Variants in PNPLA2 observed in about 807,000 individuals in gnomAD.
PNPLA2 encodes the protein patatin-like phospholipase domain-containing protein 2.
In PNPLA2, 28 loss-of-function variants were observed where a neutral mutation model predicts 39.7. That is an observed-to-expected ratio of 0.70 (90% CI 0.52 to 0.97). PNPLA2 has a LOEUF of 0.97. Ranked by LOEUF, PNPLA2 falls within the 50% of genes least tolerant of loss-of-function variation. PNPLA2 has a pLI of 0.00. For missense variants in PNPLA2, 768 were observed against 698.2 expected (o/e 1.10, Z -1.13); for synonymous variants, 392 against 321.1 (o/e 1.22, Z -2.36).
Position 824,117 on chromosome 11 carries a change from T to C in PNPLA2, c.1039T>C (p.Ser347Pro). 1 of 1,597,676 alleles carries C rather than the reference T, an allele frequency of 6.3e-7. No individual in the cohort carries two copies. The highest frequency in any genetic ancestry group is 8.5e-7 in the Non-Finnish European group (1 of 1,173,616). Residue 347 changes from serine to proline, a missense_variant, in exon 8 of 10, where the codon TCC becomes CCC. Transcript: ENST00000336615. ...PYTLPLESALSFTIRLLEWLP... is the reference protein window; with the variant it reads ...PYTLPLESALPFTIRLLEWLP... ...CACGCTGCCGCTGGAGAGCGCTCTG[T>C]CCTTCACCATCCGGTGTGAGGGCTG...
At position 825,039 on chromosome 11, in the gene PNPLA2, C is replaced by T; in HGVS notation, c.*177C>T. On this transcript the variant is annotated 3_prime_UTR_variant, in exon 10 of 10. Coordinates refer to ENST00000336615, the MANE Select transcript of PNPLA2 (RefSeq NM_020376.4). ...ACACCCCTCCCCTGGGCCGCTGAGG[C>T]CCCGCGCACCTGTGCCTTAATCTTC... 1.5e-6 allele frequency: 1 copy of T among 655,852 alleles called. No individual in the cohort carries two copies. The highest frequency in any genetic ancestry group is 1.8e-5 in the African/African-American group (1 of 55,254). 40.6% of individuals were successfully genotyped at this position (655,852 alleles called of 1,614,324 possible). A position where few individuals can be genotyped will look rare whatever the true frequency, so the allele number is the denominator to read the frequency against.
chr11:819,697 G>A lies in PNPLA2; in HGVS notation c.-22G>A, dbSNP rs1194881537. ...GAGGCCTGGCCGCCCACGGAACCCG[G>A]GGCCCGGCGGCCGCCGCCGCGATGT... On this transcript the variant is annotated 5_prime_UTR_variant, in exon 2 of 10. Transcript: ENST00000336615. The A allele has an allele frequency of 6.1e-6, 9 of 1,476,244 alleles. No individual in the cohort carries two copies. The highest frequency in any genetic ancestry group is 8.1e-6 in the Non-Finnish European group (9 of 1,114,740). The allele number at this position is 1,476,244 out of a possible 1,614,324, so 91.4% of individuals were successfully genotyped here.
chr11:821,138 T>G, intron 2 of PNPLA2: 2 of 200,284 alleles, frequency 1.0e-5, no homozygotes, highest in Non-Finnish European at 1.0e-5. Context: ...CCAAGAGGAG[T>G]GTTTGGGGTG....
In PNPLA2 at chr11:824,403, C is replaced by T. The variant is rs1414227017; in HGVS notation, c.1142C>T (p.Ala381Val). ...GSICQYLVMR[A>V]KRKLGRHLPS... Reference sequence around the variant, plus strand: ...ATCTGCCAGTACCTGGTGATGCGCGCCAAGAGGAAGCTGGGCAGGCACCTG... The same window carrying T: ...ATCTGCCAGTACCTGGTGATGCGCGTCAAGAGGAAGCTGGGCAGGCACCTG... The change falls in exon 9 of 10, where the codon GCC becomes GTC. Residue 381 changes from alanine to valine, a missense_variant. Coordinates refer to ENST00000336615, the MANE Select transcript of PNPLA2 (RefSeq NM_020376.4). The T allele has an allele frequency of 6.4e-6, 10 of 1,554,456 alleles. No homozygotes were observed. Among genetic ancestry groups the T allele is most frequent in the Non-Finnish European group, 8.7e-6 (10 of 1,149,476 alleles).
rs1386057539 is a variant in PNPLA2, at chr11:824,741, C to G, written c.1394C>G (p.Ala465Gly). ...PPEALRMRAP[A>G]DPAPAPADPA... ...GAAGCTCTGCGCATGCGCGCACCCG[C>G]CGACCCGGCTCCCGCCCCCGCGGAC... Residue 465 changes from alanine to glycine, a missense_variant, in exon 10 of 10, where the codon GCC becomes GGC. Physicochemically the swap from Ala to Gly is moderately conservative, Grantham distance 60. Transcript: ENST00000336615. The G allele has an allele frequency of 3.8e-6, 6 of 1,576,922 alleles. No homozygotes were observed. The South Asian group carries it at 6.8e-5, about 18-fold the overall frequency.
rs1845606934 is a variant in PNPLA2 at position 819,780 on chromosome 11, A to G, written c.62A>G (p.Tyr21Cys). The G allele has an allele frequency of 6.6e-7, 1 of 1,517,462 alleles. No individual in the cohort carries two copies. The highest frequency in any genetic ancestry group is 8.8e-7 in the Non-Finnish European group (1 of 1,133,530). The allele number at this position is 1,517,462 out of a possible 1,614,324, so 94.0% of individuals were successfully genotyped here. The stretch of plus-strand genomic sequence containing the variant: ...GCGGGCTGCGGCTTCCTCGGCGTCT[A>G]CTACGTCGGCGTGGCCTCCTGCCTC... ...SFAGCGFLGV[Y>C]YVGVASCLRE... The change falls in exon 2 of 10, where the codon TAC (tyrosine) becomes TGC (cysteine). Residue 21 changes from tyrosine to cysteine, a missense_variant. Physicochemically the swap from Tyr to Cys is radical, Grantham distance 194. Transcript: ENST00000336615.
In PNPLA2 at chr11:825,164, G is replaced by A. The variant is rs189155123; in HGVS notation, c.*302G>A. Reference sequence around the variant, plus strand: ...TTTTTCATGGCCTGCTGAAATATGTGTGTGAAGAATTATTTATTTTCGCCA... The same window carrying A: ...TTTTTCATGGCCTGCTGAAATATGTATGTGAAGAATTATTTATTTTCGCCA... On this transcript the variant is annotated 3_prime_UTR_variant, in exon 10 of 10. Coordinates refer to ENST00000336615, the MANE Select transcript of PNPLA2 (RefSeq NM_020376.4). The A allele has an allele frequency of 2.9e-4, 153 of 532,832 alleles. No individual in the cohort carries two copies. In the East Asian group the frequency reaches 4.3e-3, roughly 15 times the overall value. The allele number at this position is 532,832 out of a possible 1,614,324, so 33.0% of individuals were successfully genotyped here.
rs747260844 is a variant in PNPLA2 at position 824,679 on chromosome 11, G to T, written c.1332G>T (p.Leu444=). The T allele has an allele frequency of 1.9e-6, 3 of 1,596,688 alleles. No homozygotes were observed. The highest frequency in any genetic ancestry group is 3.4e-5 in the Admixed American group (2 of 59,564). ...AKWEECQRQL[L]LGLFCTNVAF... ...GGGAGGAGTGCCAGCGCCAGCTGCT[G>T]CTCGGCCTCTTCTGCACCAACGTGG... The change falls in exon 10 of 10, where the codon CTG becomes CTT. Residue 444 remains leucine (L), a synonymous_variant. Coordinates refer to ENST00000336615, the MANE Select transcript of PNPLA2 (RefSeq NM_020376.4).
intron 8 of PNPLA2, 57 bp from the exon 9 acceptor site, chr11:824,257 C>T (rs1158980707): frequency 1.3e-6 from 2 of 1,548,354 alleles, no homozygotes; most frequent in Non-Finnish European, 1.7e-6. Flanking sequence ...CAGGGCCCGG[C>T]GGGTGGGCAT....
Position 824,558 on chromosome 11 carries a change from C to A in PNPLA2, c.1211C>A (p.Ser404Ter). 6.4e-7 allele frequency: 1 copy of A among 1,562,540 alleles called. No homozygotes were observed. Among genetic ancestry groups the A allele is most frequent in the Non-Finnish European group, 8.6e-7 (1 of 1,158,186 alleles). ...CAGGTGGAGCTGCGCCGCGTCCAGT[C>A]GCTGCCGTCCGTGCCGCTGTCCTGC... is the stretch of plus-strand genomic sequence containing the variant. ...PEQVELRRVQ[S>*]LPSVPLSCAA... Residue 404 changes from serine (S) to a stop codon, truncating the protein, a stop_gained, in exon 10 of 10, where the codon TCG (serine) becomes TAG (stop). Coordinates refer to ENST00000336615, the MANE Select transcript of PNPLA2 (RefSeq NM_020376.4). LOFTEE classifies it low-confidence loss of function (END_TRUNC).
At chr11:824,203 A>G (rs1481555758) in intron 8 of PNPLA2, 73 bp downstream of exon 8, 1 of 1,550,986 alleles carries the variant, frequency 6.4e-7, no homozygotes, top group Non-Finnish European at 8.7e-7. Context: ...GATGGTTACC[A>G]GGGAAGGTGG....
chr11:824,766 C>T lies in PNPLA2; in HGVS notation c.1419C>T (p.Asp473=), dbSNP rs1411935581. The change falls in exon 10 of 10, where the codon GAC becomes GAT. Residue 473 remains aspartate, a synonymous_variant. Coordinates refer to ENST00000336615, the MANE Select transcript of PNPLA2 (RefSeq NM_020376.4). ...APADPAPAPA[D]PASPQHQLAG... is the part of the protein sequence containing the mutation. ...CCGACCCGGCTCCCGCCCCCGCGGA[C>T]CCAGCATCCCCGCAGCACCAGCTGG... 2 of 1,549,328 alleles carry T rather than the reference C, an allele frequency of 1.3e-6. No individual in the cohort carries two copies. The highest frequency in any genetic ancestry group is 1.7e-6 in the Non-Finnish European group (2 of 1,154,186).
At position 819,705 on chromosome 11, in the gene PNPLA2, CG is replaced by C. The variant is rs1845604108; in HGVS notation, c.-12del. On this transcript the variant is annotated 5_prime_UTR_variant, in exon 2 of 10. Transcript: ENST00000336615. Reference sequence around the variant, plus strand: ...GCCGCCCACGGAACCCGGGGCCCGGCGGCCGCCGCCGCGATGTTTCCCCGCG... The same window carrying C: ...GCCGCCCACGGAACCCGGGGCCCGGCGCCGCCGCCGCGATGTTTCCCCGCG... 1 of 1,478,988 alleles carries C rather than the reference CG, an allele frequency of 6.8e-7. No individual in the cohort carries two copies. Among genetic ancestry groups the C allele is most frequent in the African/African-American group, 1.5e-5 (1 of 68,342 alleles). The allele number at this position is 1,478,988 out of a possible 1,614,324, so 91.6% of individuals were successfully genotyped here.
rs1304354552 is a variant in PNPLA2, at chr11:819,671, A to C, written c.-48A>C. ...AGCGAGCGGCGAGCAGGCGGCTCACAGAGGCCTGGCCGCCCACGGAACCCG... is the reference window on the plus strand; with the variant it reads ...AGCGAGCGGCGAGCAGGCGGCTCACCGAGGCCTGGCCGCCCACGGAACCCG... On this transcript the variant is annotated 5_prime_UTR_variant, in exon 2 of 10. Transcript: ENST00000336615. 9 of 1,450,054 alleles carry C rather than the reference A, an allele frequency of 6.2e-6. No individual in the cohort carries two copies. The highest frequency in any genetic ancestry group is 8.2e-6 in the Non-Finnish European group (9 of 1,098,816). The allele number at this position is 1,450,054 out of a possible 1,614,324, so 89.8% of individuals were successfully genotyped here.
intron 4 of PNPLA2, 75 bp downstream of exon 4, chr11:822,098 A>G: frequency 2.2e-6 from 3 of 1,363,964 alleles, no homozygotes; most frequent in African/African-American, 1.4e-5. Context: ...GGCCGCCTAG[A>G]GCCATCCTTC....
rs1135628 is a variant in PNPLA2 at position 823,809 on chromosome 11, C to G, written c.873C>G (p.Pro291=). 0.25 allele frequency: 395,999 copies of G among 1,601,182 alleles called. 52,688 individuals carry two copies. The highest frequency in any genetic ancestry group is 0.42 in the South Asian group (37,742 of 89,614). ...SAQAEDYSQL[P]GEDHILEHLP... is the part of the protein sequence containing the mutation. ...AAGCGGAGGATTACTCGCAGCTGCC[C>G]GGAGAAGATCACATCCTGGAGCACC... The change falls in exon 7 of 10, where the codon CCC becomes CCG. Residue 291 remains proline (P), a synonymous_variant. Transcript: ENST00000336615.
At chr11:820,676 C>A (rs564751839) in intron 2 of PNPLA2, among the ~76,000 whole-genome samples, 2 of 152,312 alleles carry the variant, frequency 1.3e-5, no homozygotes, top group Non-Finnish European at 2.9e-5. Context: ...TCAGCAGGAG[C>A]CTGTCCGGGG....
intron 2 of PNPLA2, chr11:821,143 G>C (rs1163829359): frequency 1.8e-5 from 4 of 221,948 alleles, no homozygotes; most frequent in Non-Finnish European, 1.8e-5. Flanking sequence ...AGGAGTGTTT[G>C]GGGTGCTTCC....
At chr11:821,560 G>A (rs1845664478) in intron 2 of PNPLA2, 68 bp from the exon 3 acceptor site, 4 of 1,085,742 alleles carry the variant, frequency 3.7e-6, no homozygotes, top group South Asian at 1.3e-5. Flanking sequence ...TGGACATGGG[G>A]CTATGAAGGA....
Sources: allele counts gnomAD v4.1 joint callset (sites outside exome capture counted in the v4.1 genomes callset), GRCh38; gene constraint gnomAD v4.1.1; transcripts MANE v1.5; gene names NCBI Gene and HGNC (gene_info 2026-07-23, HGNC 2026-07-21).